PLPP1: variants seen among roughly 807,000 people sequenced by gnomAD.
PLPP1 encodes phospholipid phosphatase 1.
In PLPP1, 24 loss-of-function variants were observed where a neutral mutation model predicts 31.2. That is an observed-to-expected ratio of 0.77 (90% CI 0.56 to 1.08). The LOEUF is 1.08. Among genes scored for constraint, PLPP1 ranks in the 50% least tolerant of loss-of-function variants. The pLI, the probability that PLPP1 is intolerant of heterozygous loss-of-function variation, is 0.00. For missense variants in PLPP1, 319 were observed against 342.7 expected, an observed-to-expected ratio of 0.93 and a Z score of 0.55; for synonymous variants, 146 against 126.3, an observed-to-expected ratio of 1.16 and a Z score of -1.05.
chr5:55,509,027 T>G (rs1753347789), intron 1 of PLPP1: 1 of 152,428 alleles, frequency 6.6e-6, no homozygotes, highest in Non-Finnish European at 1.5e-5. Flanking sequence ...AATTGGTAAC[T>G]GAACTCAATC....
chr5:55,473,846 T>G (rs373914414), intron 2 of PLPP1, among the ~76,000 whole-genome samples: 39 of 151,874 alleles, frequency 2.6e-4, no homozygotes, highest in African/African-American at 9.2e-4. Flanking sequence ...AGGAGGGGGA[T>G]GGATATAGGC....
At chr5:55,500,007 G>T (rs1753100602) in intron 1 of PLPP1, among the ~76,000 whole-genome samples, 1 of 150,790 alleles carries the variant, frequency 6.6e-6, no homozygotes, top group African/African-American at 2.4e-5. Flanking sequence ...TATAATCAAT[G>T]AGTATACAGC....
At chr5:55,468,216 AG>A (rs1561234766) in intron 2 of PLPP1, 67 bp from the exon 3 acceptor site, 3 of 1,381,946 alleles carry the variant, frequency 2.2e-6, no homozygotes, top group East Asian at 2.3e-5. Flanking sequence ...AACAAAACAT[AG>A]GGGGAAAAAA....
chr5:55,432,595 A>G (rs1751384791), intron 4 of PLPP1, among the ~76,000 whole-genome samples: 1 of 152,178 alleles, frequency 6.6e-6, no homozygotes, highest in South Asian at 2.1e-4. Context: ...ATAAGCCAAT[A>G]TCTCTGATGA....
intron 1 of PLPP1, among the ~76,000 whole-genome samples, chr5:55,533,179 T>A (rs1288476403): frequency 6.6e-6 from 1 of 151,360 alleles, no homozygotes; most frequent in African/African-American, 2.4e-5. Context: ...AGGTCAGGAG[T>A]TCGAGACCAG....
Position 55,424,970 on chromosome 5 carries a change from C to G in PLPP1, c.*236G>C, listed in dbSNP as rs1305769565. On this transcript the variant is annotated 3_prime_UTR_variant, in exon 6 of 6. Transcript: ENST00000307259. The stretch of plus-strand genomic sequence containing the variant: ...TACATTTTTTTAATAAAAATGTATA[C>G]AGGTGGGGCACTGTTTTGGTGGAAG... 1.6e-6 allele frequency: 1 copy of G among 642,290 alleles called. No individual in the cohort carries two copies. The highest frequency in any genetic ancestry group is 2.6e-6 in the Non-Finnish European group (1 of 382,020). The allele number at this position is 642,290 out of a possible 1,614,324, so 39.8% of individuals were successfully genotyped here.
At chr5:55,435,191 T>TA (rs1751463325) in intron 4 of PLPP1, among the ~76,000 whole-genome samples, 1 of 152,194 alleles carries the variant, frequency 6.6e-6, no homozygotes. Context: ...ACCACAATCT[T>TA]ACCTCAGTTA....
chr5:55,476,147 T>C (rs1025687177), intron 1 of PLPP1, among the ~76,000 whole-genome samples: 6 of 151,642 alleles, frequency 4.0e-5, no homozygotes, highest in Middle Eastern at 3.2e-3. Flanking sequence ...CCAAGCTGGT[T>C]TGTTGGTTTT....
chr5:55,448,601 C>G (rs1182086960), intron 3 of PLPP1, among the ~76,000 whole-genome samples: 1 of 152,082 alleles, frequency 6.6e-6, no homozygotes, highest in Non-Finnish European at 1.5e-5. Context: ...GCGTGCGCCA[C>G]CACACCCAGC....
At chr5:55,458,234 G>C (rs1752064565) in intron 3 of PLPP1, among the ~76,000 whole-genome samples, 1 of 152,206 alleles carries the variant, frequency 6.6e-6, no homozygotes, top group East Asian at 1.9e-4. Flanking sequence ...ATGCCAAAAG[G>C]ATGAAAATGA....
intron 1 of PLPP1, among the ~76,000 whole-genome samples, chr5:55,477,991 AAG>A (rs992624297): frequency 6.6e-6 from 1 of 151,240 alleles, no homozygotes; most frequent in African/African-American, 2.4e-5. Flanking sequence ...AAAAAAAAAA[AAG>A]AAAGAAAGAA....
At chr5:55,429,981 C>T (rs1264312730) in intron 4 of PLPP1, among the ~76,000 whole-genome samples, 1 of 152,146 alleles carries the variant, frequency 6.6e-6, no homozygotes, top group Non-Finnish European at 1.5e-5. Flanking sequence ...TACCCCTATG[C>T]CCAAGCACAC....
intron 4 of PLPP1, among the ~76,000 whole-genome samples, chr5:55,432,676 C>T (rs981701696): frequency 3.3e-5 from 5 of 151,958 alleles, no homozygotes; most frequent in African/African-American, 1.2e-4. Context: ...AGATATGCCA[C>T]GATCAAGTGT....
chr5:55,485,266 G>C (rs1336921796), intron 1 of PLPP1, among the ~76,000 whole-genome samples: 1 of 152,128 alleles, frequency 6.6e-6, no homozygotes, highest in Non-Finnish European at 1.5e-5. Context: ...CAGGTGGTTA[G>C]TGTCAGAATT....
chr5:55,533,992 G>A (rs183098474), intron 1 of PLPP1, among the ~76,000 whole-genome samples: 26 of 152,254 alleles, frequency 1.7e-4, no homozygotes, highest in African/African-American at 5.1e-4. Context: ...CAGGTCTGGG[G>A]TACCGCATCC....
chr5:55,502,433 G>T (rs1266446041), intron 1 of PLPP1, among the ~76,000 whole-genome samples: 1 of 151,728 alleles, frequency 6.6e-6, no homozygotes, highest in African/African-American at 2.4e-5. Context: ...GTTGCAGTGA[G>T]CCGAGATCGT....
intron 1 of PLPP1, among the ~76,000 whole-genome samples, chr5:55,481,236 C>G (rs1444185567): frequency 6.6e-6 from 1 of 152,102 alleles, no homozygotes; most frequent in African/African-American, 2.4e-5. Flanking sequence ...GCTGGGGTAT[C>G]CAGCAAATCT....
At chr5:55,503,352 C>A (rs1167393393) in intron 1 of PLPP1, among the ~76,000 whole-genome samples, 1 of 152,138 alleles carries the variant, frequency 6.6e-6, no homozygotes, top group East Asian at 1.9e-4. Context: ...GGTCATCTGG[C>A]TGTAATGTGA....
chr5:55,448,535 C>A (rs1579930404), intron 3 of PLPP1, among the ~76,000 whole-genome samples: 1 of 151,528 alleles, frequency 6.6e-6, no homozygotes. Context: ...ACAACCTCCA[C>A]CTCCTGGGTT....
Sources: gnomAD v4.1 joint callset for allele counts (sites outside exome capture counted in the v4.1 genomes callset) on GRCh38, gnomAD v4.1.1 for gene constraint, MANE v1.5 for transcripts, NCBI Gene and HGNC (gene_info 2026-07-23, HGNC 2026-07-21) for gene names.